RIOX2: variants seen among roughly 807,000 people sequenced by gnomAD.
RIOX2 encodes the protein 60S ribosomal protein L27a histidine hydroxylase.
RIOX2 carries 43 observed loss-of-function variants against 51.2 expected under a neutral mutation model. The observed-to-expected ratio is 0.84, with a 90% CI of 0.66 to 1.08. RIOX2 has a LOEUF of 1.08. Among genes scored for constraint, RIOX2 ranks in the 50% least tolerant of loss-of-function variants. RIOX2 has a pLI of 0.00. For missense variants in RIOX2, 566 were observed against 561.7 expected (o/e 1.01, Z -0.08); for synonymous variants, 226 against 218.5 (o/e 1.03, Z -0.30).
At chr3:97,954,521 G>A (rs775623037) in intron 4 of RIOX2, 26 bp from the exon 5 acceptor site, 2 of 1,581,628 alleles carry the variant, frequency 1.3e-6, no homozygotes, top group Admixed American at 1.7e-5. Context: ...GGAAAGGGTA[G>A]AGAAGTTAAT....
At chr3:97,951,272 T>C (rs557865045) in intron 5 of RIOX2, 80 of 176,300 alleles carry the variant, frequency 4.5e-4, no homozygotes, top group Non-Finnish European at 7.8e-4. Context: ...CATTATAGGA[T>C]CTAAAACCAA....
Position 97,967,272 on chromosome 3 carries a change from C to T in RIOX2, c.322G>A (p.Gly108Arg). ...RDVNVCRCVN[G>R]KKKVLNKDGK... The stretch of plus-strand genomic sequence containing the variant: ...TCTTTATTTAAAACCTTCTTCTTCC[C>T]ATTGACACACCGGCAGACATTCACA... The change falls in exon 2 of 10, where the codon GGG becomes AGG. Residue 108 changes from glycine to arginine, a missense_variant. Gly to Arg is a moderately radical substitution (Grantham distance 125). Coordinates refer to ENST00000394198, the MANE Select transcript of RIOX2 (RefSeq NM_153182.4). The T allele has an allele frequency of 6.2e-7, 1 of 1,614,162 alleles. No homozygotes were observed.
At chr3:97,959,008 C>T (rs1705560678) in intron 4 of RIOX2, 43 bp downstream of exon 4, 1 of 1,557,792 alleles carries the variant, frequency 6.4e-7, no homozygotes, top group Non-Finnish European at 8.7e-7. Context: ...GGGGAAACCA[C>T]AATGGCTCTA....
chr3:97,950,086 G>A lies in RIOX2; in HGVS notation c.889-71C>T, dbSNP rs1412294545. ...ACTGCCCAGCTCAGTCTCCACAGTA[G>A]ACTGCAAAACTGCCAGCCACCGGGT... On this transcript the variant is annotated intron_variant, in intron 6 of 9. Coordinates refer to ENST00000394198, the MANE Select transcript of RIOX2 (RefSeq NM_153182.4). The A allele has an allele frequency of 1.2e-5, 18 of 1,541,738 alleles. No individual in the cohort carries two copies. In the East Asian group the frequency reaches 3.8e-4, roughly 33 times the overall value.
rs2040246810 is a variant in RIOX2 at position 97,942,218 on chromosome 3, G to A, written c.*2966C>T. ...TATGACTTGTTTACCTAAGATAAAAGGGACCTAATTCAACTTACTTTAGCA... is the reference window on the plus strand; with the variant it reads ...TATGACTTGTTTACCTAAGATAAAAAGGACCTAATTCAACTTACTTTAGCA... On this transcript the variant is annotated 3_prime_UTR_variant, in exon 10 of 10. Coordinates refer to ENST00000394198, the MANE Select transcript of RIOX2 (RefSeq NM_153182.4). 1 of 1,418,030 alleles carries A rather than the reference G, an allele frequency of 7.1e-7. No individual in the cohort carries two copies. Among genetic ancestry groups the A allele is most frequent in the Admixed American group, 2.0e-5 (1 of 50,284 alleles). The allele number at this position is 1,418,030 out of a possible 1,614,324, so 87.8% of individuals were successfully genotyped here. A position where few individuals can be genotyped will look rare whatever the true frequency, so the allele number is the denominator to read the frequency against.
intron 4 of RIOX2, among the ~76,000 whole-genome samples, chr3:97,958,627 C>T (rs965131235): frequency 6.6e-6 from 1 of 151,962 alleles, no homozygotes; most frequent in African/African-American, 2.4e-5. Context: ...GCAACAACAA[C>T]AAAAAAAACT....
chr3:97,946,602 A>ATATATATATATATATATATATATC (rs1028298878), intron 8 of RIOX2, among the ~76,000 whole-genome samples: 5 of 137,334 alleles, frequency 3.6e-5, no homozygotes, highest in African/African-American at 1.3e-4. Flanking sequence ...ATATATATAT[A>ATATATATATATATATATATATATC]TATATCTATT....
At chr3:97,945,978 A>G (rs375226511) in intron 8 of RIOX2, 91 bp from the exon 9 acceptor site, 45 of 816,204 alleles carry the variant, frequency 5.5e-5, no homozygotes, top group African/African-American at 2.1e-4. Context: ...TCAACACCAA[A>G]AAAAATTTCA....
intron 6 of RIOX2, 54 bp from the exon 7 acceptor site, chr3:97,950,069 G>A: frequency 6.3e-7 from 1 of 1,593,352 alleles, no homozygotes; most frequent in Non-Finnish European, 8.6e-7. Flanking sequence ...TTACTGCCCA[G>A]CTCAGTCTCC....
At chr3:97,950,339 A>G (rs1057061211) in intron 6 of RIOX2, among the ~76,000 whole-genome samples, 1 of 152,194 alleles carries the variant, frequency 6.6e-6, no homozygotes, top group Non-Finnish European at 1.5e-5. Context: ...AGAGAAAGCA[A>G]CCTTTGCTCA....
At chr3:97,964,990 T>C (rs1705827108) in intron 2 of RIOX2, among the ~76,000 whole-genome samples, 2 of 152,082 alleles carry the variant, frequency 1.3e-5, no homozygotes, top group Middle Eastern at 3.4e-3. Flanking sequence ...TGAGACCCAA[T>C]AAACAAAGGG....
At chr3:97,952,817 C>T (rs1374125293) in intron 5 of RIOX2, among the ~76,000 whole-genome samples, 2 of 152,064 alleles carry the variant, frequency 1.3e-5, no homozygotes, top group East Asian at 1.9e-4. Flanking sequence ...CTTTCTGTCC[C>T]TTAAAATGCA....
intron 8 of RIOX2, among the ~76,000 whole-genome samples, chr3:97,946,586 G>GTATATATATATATATATATA (rs4061087): frequency 9.9e-4 from 126 of 127,580 alleles, no homozygotes; most frequent in African/African-American, 3.6e-3. Flanking sequence ...TTTTGAGGAT[G>GTATATATATATATATATATA]TATATATATA....
At chr3:97,963,379 T>A (rs1197134974) in intron 2 of RIOX2, among the ~76,000 whole-genome samples, 1 of 152,226 alleles carries the variant, frequency 6.6e-6, no homozygotes, top group Non-Finnish European at 1.5e-5. Context: ...CCTCCTGCTC[T>A]GACCTCCCAA....
chr3:97,966,090 A>C (rs1705880257), intron 2 of RIOX2, among the ~76,000 whole-genome samples: 1 of 152,220 alleles, frequency 6.6e-6, no homozygotes, highest in Non-Finnish European at 1.5e-5. Flanking sequence ...CTCATACCTC[A>C]TACAGAGTAT....
intron 4 of RIOX2, among the ~76,000 whole-genome samples, chr3:97,957,438 G>C (rs1377093935): frequency 2.0e-5 from 3 of 149,768 alleles, no homozygotes; most frequent in Non-Finnish European, 4.4e-5. Context: ...GGAGGTTTCA[G>C]CTAGCTGAAA....
At chr3:97,965,299 G>C (rs1390515443) in intron 2 of RIOX2, among the ~76,000 whole-genome samples, 2 of 151,500 alleles carry the variant, frequency 1.3e-5, no homozygotes, top group Admixed American at 1.3e-4. Flanking sequence ...ATCACCTGAG[G>C]GCAGAAGTTC....
At chr3:97,951,877 G>T (rs1239138737) in intron 5 of RIOX2, among the ~76,000 whole-genome samples, 1 of 152,168 alleles carries the variant, frequency 6.6e-6, no homozygotes, top group Non-Finnish European at 1.5e-5. Context: ...AACCCGGAGG[G>T]CACATGCAGA....
intron 6 of RIOX2, 97 bp from the exon 7 acceptor site, chr3:97,950,112 A>T (rs1213498592): frequency 8.6e-7 from 1 of 1,161,786 alleles, no homozygotes; most frequent in Non-Finnish European, 1.3e-6. Flanking sequence ...GCCACCGGGT[A>T]TAGACATTAA....
Sources: allele counts gnomAD v4.1 joint callset (sites outside exome capture counted in the v4.1 genomes callset), GRCh38; gene constraint gnomAD v4.1.1; transcripts MANE v1.5; gene names NCBI Gene and HGNC (gene_info 2026-07-23, HGNC 2026-07-21).